EPHA8: variants seen among roughly 807,000 people sequenced by gnomAD.
EPHA8 encodes the protein EPH receptor A8, also known as ephrin type-A receptor 8.
Under a neutral mutation model 103.6 loss-of-function variants are expected in EPHA8, and 58 were observed. The observed-to-expected ratio is 0.56, with a 90% confidence interval of 0.45 to 0.70. EPHA8 has a LOEUF of 0.70. EPHA8 is among the 30% of genes least tolerant of loss of function. The probability of loss-of-function intolerance (pLI) is 0.00; values close to 1 mark genes in which losing one functional copy is unlikely to be tolerated. For missense variants in EPHA8, 1,304 were observed against 1,395.2 expected (o/e 0.93, Z 1.04); for synonymous variants, 559 against 572.5 (o/e 0.98, Z 0.34).
Position 22,576,370 on chromosome 1 carries a change from C to T in EPHA8, c.313C>T (p.Leu105=), listed in dbSNP as rs1045537391. 14 of 1,613,740 alleles carry T rather than the reference C, an allele frequency of 8.7e-6. 1 individual carries two copies. In the Admixed American group the frequency reaches 1.8e-4, roughly 21 times the overall value. Residue 105 remains leucine, a synonymous_variant, in exon 3 of 17, where the codon CTG becomes TTG. Transcript: ENST00000166244. This position sits in a 1 kb window ranked among gnomAD's most constrained non-coding sequence, Gnocchi z 4.8. ...RRVYAEIKFT[L]RDCNSMPGVL... ...CGTCTATGCTGAGATCAAGTTTACC[C>T]TGCGCGACTGCAACAGCATGCCTGG...
At position 22,596,189 on chromosome 1, in the gene EPHA8, C is replaced by T. The variant is rs762384519; in HGVS notation, c.1765+16C>T. On this transcript the variant is annotated intron_variant, in intron 9 of 16. Transcript: ENST00000166244. ...AATGGACAGGGTGAGTGCAGGGGCC[C>T]GGTGGTCTGGGGCAGAGGGAAGGCC... The T allele has an allele frequency of 7.4e-6, 12 of 1,612,712 alleles. No homozygotes were observed. The highest frequency in any genetic ancestry group is 1.6e-4 in the Middle Eastern group (1 of 6,082).
chr1:22,587,780 G>T (rs1641258299), intron 4 of EPHA8, among the ~76,000 whole-genome samples: 1 of 152,080 alleles, frequency 6.6e-6, no homozygotes, highest in African/African-American at 2.4e-5. Context: ...CCCTGCACAT[G>T]GCAGGCGAGG....
In EPHA8 at chr1:22,602,255, G is replaced by A; in HGVS notation, c.*514G>A. On this transcript the variant is annotated 3_prime_UTR_variant, in exon 17 of 17. Transcript: ENST00000166244. Reference sequence around the variant, plus strand: ...AGGAGGTGTGTGAGCAGGGAACTCAGTGTGACACCGCCAGGTCCAGCACCC... The same window carrying A: ...AGGAGGTGTGTGAGCAGGGAACTCAATGTGACACCGCCAGGTCCAGCACCC... The A allele has an allele frequency of 5.7e-6, 1 of 175,236 alleles. No individual in the cohort carries two copies. Among genetic ancestry groups the A allele is most frequent in the Non-Finnish European group, 1.2e-5 (1 of 84,990 alleles). 10.9% of individuals were successfully genotyped at this position (175,236 alleles called of 1,614,324 possible).
In EPHA8 at chr1:22,569,311, C is replaced by T; in HGVS notation, c.117C>T (p.Thr39=). The part of the protein sequence containing the change: ...RGEVNLLDTS[T]IHGDWGWLTY... Reference sequence around the variant, plus strand: ...CAGTGAATTTGCTGGACACGTCGACCATCCACGGGGACTGGGGCTGGCTCA... The same window carrying T: ...CAGTGAATTTGCTGGACACGTCGACTATCCACGGGGACTGGGGCTGGCTCA... The change falls in exon 2 of 17, where the codon ACC becomes ACT. Residue 39 remains threonine (T), a synonymous_variant. Transcript: ENST00000166244. This position sits in a 1 kb window ranked among gnomAD's most constrained non-coding sequence, Gnocchi z 4.5. 6.2e-7 allele frequency: 1 copy of T among 1,611,296 alleles called. No homozygotes were observed. Among genetic ancestry groups the T allele is most frequent in the Non-Finnish European group, 8.5e-7 (1 of 1,178,664 alleles).
At chr1:22,564,164 A>G (rs2124502678) in intron 1 of EPHA8, among the ~76,000 whole-genome samples, 1 of 122,426 alleles carries the variant, frequency 8.2e-6, no homozygotes, top group East Asian at 2.5e-4. Context: ...GGACAGGAGA[A>G]TGGGGGAGGA....
In EPHA8 at chr1:22,598,145, G is replaced by T. The variant is rs537880455; in HGVS notation, c.2117-6G>T. ...AAGAGCCACCCTCTCCCTACTGCCCGCCCAGGCCGCCTGGCAATGATTGTG... is the reference window on the plus strand; with the variant it reads ...AAGAGCCACCCTCTCCCTACTGCCCTCCCAGGCCGCCTGGCAATGATTGTG... On this transcript the variant is annotated splice_polypyrimidine_tract_variant and splice_region_variant and intron_variant, in intron 11 of 16. Transcript: ENST00000166244. This position sits in a 1 kb window ranked among gnomAD's most constrained non-coding sequence, Gnocchi z 5.1. The T allele has an allele frequency of 3.1e-6, 5 of 1,613,152 alleles. No homozygotes were observed. The Admixed American group carries it at 5.0e-5, about 16-fold the overall frequency.
At chr1:22,578,914 C>T (rs1395991535) in intron 3 of EPHA8, among the ~76,000 whole-genome samples, 2 of 142,344 alleles carry the variant, frequency 1.4e-5, no homozygotes, top group Non-Finnish European at 3.0e-5. Context: ...TGTATGTATG[C>T]ATGTGCGTTT....
rs1230238896 is a variant in EPHA8, at chr1:22,586,499, C to T, written c.843C>T (p.Tyr281=). 1.2e-6 allele frequency: 2 copies of T among 1,613,666 alleles called. No individual in the cohort carries two copies. Among genetic ancestry groups the T allele is most frequent in the Non-Finnish European group, 1.7e-6 (2 of 1,179,870 alleles). Residue 281 remains tyrosine, a synonymous_variant, in exon 4 of 17, where the codon TAC becomes TAT. Coordinates refer to ENST00000166244, the MANE Select transcript of EPHA8 (RefSeq NM_020526.5). ...DACVACELGF[Y]KSAPGDQLCA... ...CCACAGCCTGTGAGCTGGGCTTCTA[C>T]AAGTCAGCCCCTGGGGACCAGCTGT...
chr1:22,598,764 A>G lies in EPHA8; in HGVS notation c.2179-74A>G, dbSNP rs1641591623. ...GTCTCAACTCGAGAGCATCCTACAG[A>G]TGGGAGGTGTTCCTGTTCACGGACC... On this transcript the variant is annotated intron_variant, in intron 12 of 16. Coordinates refer to ENST00000166244, the MANE Select transcript of EPHA8 (RefSeq NM_020526.5). The surrounding 1 kb of genome is among the most constrained non-coding windows in gnomAD (Gnocchi z 5.1). The G allele has an allele frequency of 6.8e-7, 1 of 1,473,558 alleles. No individual in the cohort carries two copies. The highest frequency in any genetic ancestry group is 1.4e-5 in the African/African-American group (1 of 72,198). The allele number at this position is 1,473,558 out of a possible 1,614,324, so 91.3% of individuals were successfully genotyped here.
chr1:22,598,766 G>A lies in EPHA8; in HGVS notation c.2179-72G>A, dbSNP rs1460170434. ...CTCAACTCGAGAGCATCCTACAGATGGGAGGTGTTCCTGTTCACGGACCAG... is the reference window on the plus strand; with the variant it reads ...CTCAACTCGAGAGCATCCTACAGATAGGAGGTGTTCCTGTTCACGGACCAG... On this transcript the variant is annotated intron_variant, in intron 12 of 16. Transcript: ENST00000166244. The surrounding 1 kb of genome is among the most constrained non-coding windows in gnomAD (Gnocchi z 5.1). 1 of 1,478,314 alleles carries A rather than the reference G, an allele frequency of 6.8e-7. No homozygotes were observed. The highest frequency in any genetic ancestry group is 1.4e-5 in the African/African-American group (1 of 72,204). The allele number at this position is 1,478,314 out of a possible 1,614,324, so 91.6% of individuals were successfully genotyped here.
Position 22,593,381 on chromosome 1 carries a change from G to A in EPHA8, c.1371G>A (p.Ser457=), listed in dbSNP as rs1319123254. The A allele has an allele frequency of 1.1e-5, 17 of 1,594,374 alleles. No individual in the cohort carries two copies. The highest frequency in any genetic ancestry group is 6.8e-5 in the South Asian group (6 of 88,126). The change falls in exon 6 of 17, where the codon TCG becomes TCA. Residue 457 remains serine (S), a synonymous_variant. Transcript: ENST00000166244. ...RQERAGQTSV[S]LLWQEPEQPN... ...AGCGGGCGGGGCAGACCAGCGTCTC[G>A]CTGCTGTGGCAGGAGCCCGAGCAGC...
At position 22,603,467 on chromosome 1, in the gene EPHA8, A is replaced by C. The variant is rs1440342861; in HGVS notation, c.*1726A>C. The C allele has an allele frequency of 1.3e-5, 2 of 151,614 alleles. No homozygotes were observed. The highest frequency in any genetic ancestry group is 2.9e-5 in the Non-Finnish European group (2 of 67,922). The allele number at this position is 151,614 out of a possible 1,614,324, so 9.4% of individuals were successfully genotyped here. A position where few individuals can be genotyped will look rare whatever the true frequency, so the allele number is the denominator to read the frequency against. ...GTCATGGAGGCACCGTGGGCCTGGC[A>C]CTTGCAAAAGTGTGGCCCCTCACTC... On this transcript the variant is annotated 3_prime_UTR_variant, in exon 17 of 17. Transcript: ENST00000166244.
Position 22,589,905 on chromosome 1 carries a change from C to G in EPHA8, c.1315+699C>G, listed in dbSNP as rs1641329512. Reference sequence around the variant, plus strand: ...CCATCTCCTCCCAAAACCACACAGCCCTGGCCTCGCAGACAATATGCCCAC... The same window carrying G: ...CCATCTCCTCCCAAAACCACACAGCGCTGGCCTCGCAGACAATATGCCCAC... On this transcript the variant is annotated intron_variant, in intron 5 of 16. Transcript: ENST00000166244. The surrounding 1 kb of genome is among the most constrained non-coding windows in gnomAD (Gnocchi z 4.3). Among the ~76,000 whole-genome samples the G allele has an allele frequency of 6.6e-6, 1 of 152,176 alleles. No homozygotes were observed. The highest frequency in any genetic ancestry group is 2.4e-5 in the African/African-American group (1 of 41,438).
chr1:22,569,225 C>A lies in EPHA8; in HGVS notation c.95-64C>A. 6.4e-7 allele frequency: 1 copy of A among 1,559,910 alleles called. No homozygotes were observed. Among genetic ancestry groups the A allele is most frequent in the Non-Finnish European group, 8.8e-7 (1 of 1,132,590 alleles). ...TGTGGACCAGTGTAGCTGGGTCAGG[C>A]TGCTCTTGAGGAGCTGGGGAGAAGT... On this transcript the variant is annotated intron_variant, in intron 1 of 16. Transcript: ENST00000166244. The surrounding 1 kb of genome is among the most constrained non-coding windows in gnomAD (Gnocchi z 4.5).
chr1:22,579,117 A>G (rs375590078), intron 3 of EPHA8, among the ~76,000 whole-genome samples: 10 of 100,820 alleles, frequency 9.9e-5, no homozygotes, highest in Non-Finnish European at 1.0e-4. Flanking sequence ...GTGCATGTGT[A>G]CGTGTATGTG....
intron 3 of EPHA8, among the ~76,000 whole-genome samples, chr1:22,585,027 C>CTGTGTGTGTGTG (rs772415643): frequency 0.017 from 2,567 of 147,534 alleles, 71 homozygotes; most frequent in African/African-American, 0.057. Flanking sequence ...GGTCGTTTCT[C>CTGTGTGTGTGTG]TGTGTGTGTG....
At chr1:22,595,390 G>C (rs944613451) in intron 8 of EPHA8, 67 bp downstream of exon 8, 6 of 1,366,558 alleles carry the variant, frequency 4.4e-6, no homozygotes, top group African/African-American at 1.4e-5. Context: ...CCTGCCCCCA[G>C]CCCCACCGAG....
At chr1:22,600,073 G>A (rs190547351) in intron 13 of EPHA8, among the ~76,000 whole-genome samples, 1,819 of 103,958 alleles carry the variant, frequency 0.017, 69 homozygotes, top group African/African-American at 0.066. Flanking sequence ...GGGATGGAGG[G>A]AGGAAGGAAG....
At chr1:22,577,316 G>C (rs1315160002) in intron 3 of EPHA8, among the ~76,000 whole-genome samples, 2 of 152,156 alleles carry the variant, frequency 1.3e-5, no homozygotes, top group Admixed American at 6.5e-5. Context: ...TGTTATCCTG[G>C]TTTTATAGAT....
Sources: allele counts gnomAD v4.1 joint callset (sites outside exome capture counted in the v4.1 genomes callset), GRCh38; gene constraint gnomAD v4.1.1; non-coding constraint Gnocchi (gnomAD v3.1); transcripts MANE v1.5; gene names NCBI Gene and HGNC (gene_info 2026-07-23, HGNC 2026-07-21).